The following CNBD2 variants were observed in gnomAD, a reference collection of about 807,000 sequenced individuals.
CNBD2 encodes the protein cyclic nucleotide-binding domain-containing protein 2.
Under a neutral mutation model 63.7 loss-of-function variants are expected in CNBD2, and 64 were observed. That is an observed-to-expected ratio of 1.00 (90% CI 0.82 to 1.24). The LOEUF is 1.24. Among genes scored for constraint, CNBD2 ranks in the 50% most tolerant of loss-of-function variants. The pLI, the probability that CNBD2 is intolerant of heterozygous loss-of-function variation, is 0.00. For missense variants in CNBD2, 691 were observed against 713.5 expected (o/e 0.97, Z 0.36); for synonymous variants, 229 against 255.4 (o/e 0.90, Z 0.99).
chr20:35,964,711 T>C (rs1039222622), upstream of CNBD2, among the ~76,000 whole-genome samples: 2 of 148,914 alleles, frequency 1.3e-5, no homozygotes, highest in African/African-American at 4.9e-5. Flanking sequence ...TCATATATCT[T>C]TTTTTTTTAA....
rs764957788 is a variant in CNBD2, at chr20:35,987,460, TAGAG to T, written c.785_788del (p.Glu262GlyfsTer7). ...TGGCAGCTGGTAGCCATGGCGAAGA[TAGAG>T]AGGTTCTCGTATGGGCAGCTGATCT... is the stretch of plus-strand genomic sequence containing the variant. On this transcript the variant is annotated frameshift_variant, in exon 7 of 12. Coordinates refer to ENST00000373973, the MANE Select transcript of CNBD2 (RefSeq NM_001365709.1). LOFTEE classifies it high-confidence loss of function. The T allele has an allele frequency of 1.1e-5, 17 of 1,614,164 alleles. No homozygotes were observed. The South Asian group carries it at 1.8e-4, about 17-fold the overall frequency.
At chr20:35,964,556 A>ATT (rs61569495), upstream of CNBD2, among the ~76,000 whole-genome samples, 11,736 of 141,700 alleles carry the variant, frequency 0.083, 836 homozygotes, top group African/African-American at 0.2. Flanking sequence ...ACGCCCGGCT[A>ATT]TTTTTTTTTT....
chr20:35,977,880 A>G (rs1421285737), intron 3 of CNBD2, among the ~76,000 whole-genome samples: 1 of 152,246 alleles, frequency 6.6e-6, no homozygotes, highest in African/African-American at 2.4e-5. Context: ...TAAAAATGAC[A>G]TATAATATAT....
intron 8 of CNBD2, among the ~76,000 whole-genome samples, chr20:36,003,497 C>T (rs2056944447): frequency 6.6e-6 from 1 of 152,026 alleles, no homozygotes; most frequent in South Asian, 2.1e-4. Context: ...AGCTAGTTTC[C>T]CATTCGTGAA....
intron 2 of CNBD2, among the ~76,000 whole-genome samples, chr20:35,963,346 TAAA>T (rs780161171): frequency 1.6e-5 from 2 of 128,892 alleles, no homozygotes; most frequent in Non-Finnish European, 1.7e-5. Flanking sequence ...GTCTCCAAAT[TAAA>T]AAAAAAAAAA....
intron 8 of CNBD2, among the ~76,000 whole-genome samples, chr20:35,995,744 T>G (rs1268281610): frequency 6.6e-6 from 1 of 152,266 alleles, no homozygotes; most frequent in African/African-American, 2.4e-5. Flanking sequence ...TATGCAAGTT[T>G]TTGTGTGAAC....
chr20:35,984,995 A>G (rs1039968081), intron 6 of CNBD2, among the ~76,000 whole-genome samples: 8 of 152,040 alleles, frequency 5.3e-5, no homozygotes, highest in Non-Finnish European at 1.0e-4. Flanking sequence ...AGTAATAGTA[A>G]GAATAGCTAA....
At chr20:35,966,410 A>G (rs1352006123), upstream of CNBD2, among the ~76,000 whole-genome samples, 3 of 152,186 alleles carry the variant, frequency 2.0e-5, no homozygotes, top group Admixed American at 1.3e-4. Flanking sequence ...GAGAGTTAAC[A>G]GATATACCCC....
chr20:35,988,826 A>AT (rs1237933786), intron 7 of CNBD2, among the ~76,000 whole-genome samples: 1 of 151,838 alleles, frequency 6.6e-6, no homozygotes, highest in Non-Finnish European at 1.5e-5. Flanking sequence ...CTTGCATGTC[A>AT]TTTTTTCAAA....
chr20:35,966,270 A>C (rs1340235833), upstream of CNBD2, among the ~76,000 whole-genome samples: 1 of 152,162 alleles, frequency 6.6e-6, no homozygotes, highest in East Asian at 1.9e-4. Context: ...TGGGGGAAAA[A>C]CCAGTTTTGT....
At chr20:35,966,197 T>A (rs2056343719), upstream of CNBD2, among the ~76,000 whole-genome samples, 1 of 152,208 alleles carries the variant, frequency 6.6e-6, no homozygotes, top group South Asian at 2.1e-4. Context: ...CATCTCTCTG[T>A]CTCTCTTTCT....
chr20:36,030,540 T>C lies in CNBD2; in HGVS notation c.1623T>C (p.Thr541=). 6.2e-7 allele frequency: 1 copy of C among 1,614,162 alleles called. No homozygotes were observed. Among genetic ancestry groups the C allele is most frequent in the Non-Finnish European group, 8.5e-7 (1 of 1,180,036 alleles). Residue 541 remains threonine, a synonymous_variant, in exon 12 of 12, where the codon ACT becomes ACC. Transcript: ENST00000373973. ...VLDLCSINKT[T]KPRYPIFMAP... The stretch of plus-strand genomic sequence containing the variant: ...ATTTGTGCAGCATCAACAAGACGAC[T>C]AAACCTCGTTATCCTATTTTTATGG...
At chr20:36,028,958 A>C (rs2057312686) in intron 11 of CNBD2, among the ~76,000 whole-genome samples, 1 of 152,112 alleles carries the variant, frequency 6.6e-6, no homozygotes, top group Non-Finnish European at 1.5e-5. Context: ...TACAGGCATG[A>C]GCCACCGCAC....
intron 9 of CNBD2, among the ~76,000 whole-genome samples, 163 bp from the exon 10 acceptor site, chr20:36,010,974 A>G (rs1254162582): frequency 1.3e-5 from 2 of 151,962 alleles, no homozygotes; most frequent in African/African-American, 2.4e-5. Context: ...ATTCCTGACA[A>G]TGGGAGTCAG....
chr20:36,008,351 A>T lies in CNBD2; in HGVS notation c.1025A>T (p.Gln342Leu). ...TTCCAGATCAAATCATATCCTCTGC[A>T]AGACTTTAGCTCCTTGAAACTTCCA... ...KEFQIKSYPL[Q>L]DFSSLKLPHL... The change falls in exon 9 of 12, where the codon CAA becomes CTA. Residue 342 changes from glutamine (Q) to leucine (L), a missense_variant. Transcript: ENST00000373973. 1 of 1,614,010 alleles carries T rather than the reference A, an allele frequency of 6.2e-7. No homozygotes were observed. Among genetic ancestry groups the T allele is most frequent in the Non-Finnish European group, 8.5e-7 (1 of 1,179,970 alleles).
rs1568916032 is a variant in CNBD2, at chr20:36,011,262, G to A, written c.1269+5G>A. 2.6e-6 allele frequency: 4 copies of A among 1,549,720 alleles called. No homozygotes were observed. Among genetic ancestry groups the A allele is most frequent in the South Asian group, 2.5e-5 (2 of 80,826 alleles). ...GTGGAGCAGGGAGAAATTTTGGTGA[G>A]TGTGCCAAGAGCTCTGTTCACCATG... On this transcript the variant is annotated splice_donor_5th_base_variant and intron_variant, in intron 10 of 11. Coordinates refer to ENST00000373973, the MANE Select transcript of CNBD2 (RefSeq NM_001365709.1).
rs1320587273 is a variant in CNBD2, at chr20:36,023,253, G to A, written c.1270-349G>A. ...GAAAATCTGTGGGTAGGCTGGGCAC[G>A]GTGGCTCACGCCTGTAATCCCAGCA... On this transcript the variant is annotated intron_variant, in intron 10 of 11. Coordinates refer to ENST00000373973, the MANE Select transcript of CNBD2 (RefSeq NM_001365709.1). 4.6e-5 allele frequency among the ~76,000 whole-genome samples: 7 copies of A among 152,214 alleles called. No homozygotes were observed. In the East Asian group the frequency reaches 7.7e-4, roughly 17 times the overall value.
chr20:36,025,065 C>T (rs566468610), intron 11 of CNBD2, among the ~76,000 whole-genome samples: 9 of 152,262 alleles, frequency 5.9e-5, no homozygotes, highest in African/African-American at 2.2e-4. Flanking sequence ...GGTATATTCT[C>T]TTGATAGAAC....
At chr20:35,977,359 T>C (rs1320075050) in intron 3 of CNBD2, among the ~76,000 whole-genome samples, 1 of 152,184 alleles carries the variant, frequency 6.6e-6, no homozygotes, top group Non-Finnish European at 1.5e-5. Flanking sequence ...TGAGCCCAGC[T>C]GGAGGCTCAT....
Sources: allele counts gnomAD v4.1 joint callset (sites outside exome capture counted in the v4.1 genomes callset), GRCh38; gene constraint gnomAD v4.1.1; transcripts MANE v1.5; gene names NCBI Gene and HGNC (gene_info 2026-07-23, HGNC 2026-07-21).